TMPRSS11F: variants seen among roughly 807,000 people sequenced by gnomAD.
The protein encoded by TMPRSS11F is transmembrane serine protease 11F, also known as transmembrane protease serine 11F.
Under a neutral mutation model 60.2 loss-of-function variants are expected in TMPRSS11F, and 47 were observed. The observed-to-expected ratio is 0.78, with a 90% CI of 0.62 to 1.00. TMPRSS11F has a LOEUF of 1.00. Ranked by LOEUF, TMPRSS11F falls within the 50% of genes least tolerant of loss-of-function variation. TMPRSS11F has a pLI of 0.00. For missense variants in TMPRSS11F, 519 were observed against 522.9 expected (o/e 0.99, Z 0.07); for synonymous variants, 166 against 167.3 (o/e 0.99, Z 0.06).
intron 1 of TMPRSS11F, among the ~76,000 whole-genome samples, chr4:68,126,542 T>A (rs956529744): frequency 3.3e-5 from 5 of 152,232 alleles, no homozygotes; most frequent in Non-Finnish European, 7.3e-5. Context: ...CATAGATACA[T>A]AATAAACGGT....
At chr4:68,119,665 G>A (rs1279498482) in intron 1 of TMPRSS11F, among the ~76,000 whole-genome samples, 1 of 152,154 alleles carries the variant, frequency 6.6e-6, no homozygotes, top group African/African-American at 2.4e-5. Flanking sequence ...GTCCACCGTT[G>A]AGACTTATTG....
intron 2 of TMPRSS11F, among the ~76,000 whole-genome samples, chr4:68,093,387 A>C (rs1313936583): frequency 1.3e-5 from 2 of 152,214 alleles, no homozygotes; most frequent in Non-Finnish European, 2.9e-5. Context: ...CACCTTATAC[A>C]AAAATCAATT....
chr4:68,065,057 T>G, intron 7 of TMPRSS11F, 113 bp from the exon 8 acceptor site: 1 of 1,105,456 alleles, frequency 9.0e-7, no homozygotes, highest in Non-Finnish European at 1.3e-6. Flanking sequence ...ATTCTTTTGG[T>G]GAGAAAGTTT....
In TMPRSS11F at chr4:68,072,079, T is replaced by A. The variant is rs539423119; in HGVS notation, c.514+244A>T. 1.6e-4 allele frequency among the ~76,000 whole-genome samples: 24 copies of A among 150,910 alleles called. 1 individual carries two copies. The South Asian group carries it at 4.8e-3, about 30-fold the overall frequency. ...TGTAAGGACCCAATAACATATGATA[T>A]GGAAAAAAGTTTAGAAAGCTTATTA... On this transcript the variant is annotated intron_variant, in intron 5 of 9. Coordinates refer to ENST00000356291, the MANE Select transcript of TMPRSS11F (RefSeq NM_207407.2).
chr4:68,100,120 C>G (rs1017617877), intron 1 of TMPRSS11F, among the ~76,000 whole-genome samples: 1 of 150,560 alleles, frequency 6.6e-6, no homozygotes, highest in South Asian at 2.1e-4. Context: ...GGATTCATTA[C>G]TAATAGGGGG....
chr4:68,071,712 T>C (rs1421339991), intron 5 of TMPRSS11F, among the ~76,000 whole-genome samples: 1 of 152,188 alleles, frequency 6.6e-6, no homozygotes, highest in East Asian at 1.9e-4. Flanking sequence ...TTCCTTTTCT[T>C]CCGCTTTGGA....
chr4:68,089,607 C>T (rs911403233), intron 3 of TMPRSS11F, among the ~76,000 whole-genome samples: 1 of 151,976 alleles, frequency 6.6e-6, no homozygotes, highest in Non-Finnish European at 1.5e-5. Context: ...AACAAAAACG[C>T]TATTTGAATA....
intron 1 of TMPRSS11F, among the ~76,000 whole-genome samples, chr4:68,106,608 G>C (rs1724306251): frequency 1.3e-5 from 2 of 151,916 alleles, no homozygotes; most frequent in African/African-American, 4.8e-5. Context: ...CGGGGGGAGG[G>C]GTTACAACTA....
intron 9 of TMPRSS11F, among the ~76,000 whole-genome samples, chr4:68,057,724 A>C (rs1305451678): frequency 6.6e-6 from 1 of 152,230 alleles, no homozygotes; most frequent in East Asian, 1.9e-4. Context: ...TCTCAAAAGA[A>C]GACATACAAA....
At chr4:68,069,065 A>G (rs1560395359) in intron 6 of TMPRSS11F, among the ~76,000 whole-genome samples, 3 of 152,166 alleles carry the variant, frequency 2.0e-5, no homozygotes, top group South Asian at 2.1e-4. Context: ...GCATATATAG[A>G]TAATTCATTG....
At chr4:68,093,416 T>TA (rs1261086347) in intron 2 of TMPRSS11F, among the ~76,000 whole-genome samples, 2 of 152,132 alleles carry the variant, frequency 1.3e-5, no homozygotes, top group East Asian at 3.8e-4. Flanking sequence ...ATTAAAGACT[T>TA]AAACATTAGA....
intron 1 of TMPRSS11F, among the ~76,000 whole-genome samples, chr4:68,111,967 T>C (rs1384770458): frequency 6.6e-6 from 1 of 152,198 alleles, no homozygotes; most frequent in Non-Finnish European, 1.5e-5. Context: ...CATTATGTAC[T>C]TACTTAATTA....
In TMPRSS11F at chr4:68,098,985, T is replaced by C; in HGVS notation, c.65A>G (p.Gln22Arg). The C allele has an allele frequency of 6.2e-7, 1 of 1,613,416 alleles. No individual in the cohort carries two copies. The highest frequency in any genetic ancestry group is 8.5e-7 in the Non-Finnish European group (1 of 1,179,626). ...TAGCCGTACTGAGTCCCAAAATTGCTGCTTTCTTTGATATTCAGCTCGTGA... is the reference window on the plus strand; with the variant it reads ...TAGCCGTACTGAGTCCCAAAATTGCCGCTTTCTTTGATATTCAGCTCGTGA... Reference protein sequence around the residue: ...EFSRAEYQRKQQFWDSVRLAL... With the variant: ...EFSRAEYQRKRQFWDSVRLAL... The change falls in exon 2 of 10, where the codon CAG becomes CGG. Residue 22 changes from glutamine (Q) to arginine (R), a missense_variant. Physicochemically the swap from Gln to Arg is conservative, Grantham distance 43. Transcript: ENST00000356291.
chr4:68,089,463 A>G (rs926927914), intron 3 of TMPRSS11F, among the ~76,000 whole-genome samples: 2 of 152,158 alleles, frequency 1.3e-5, no homozygotes, highest in African/African-American at 4.8e-5. Context: ...AAATATCAAG[A>G]CCTTGGAAAT....
In TMPRSS11F at chr4:68,053,971, G is replaced by C; in HGVS notation, c.1255C>G (p.Pro419Ala). 1 of 1,612,730 alleles carries C rather than the reference G, an allele frequency of 6.2e-7. No homozygotes were observed. Among genetic ancestry groups the C allele is most frequent in the Non-Finnish European group, 8.5e-7 (1 of 1,179,330 alleles). ...WGQSCALPKKPGVYTRVTKYR... is the reference protein window; with the variant it reads ...WGQSCALPKKAGVYTRVTKYR... ...TTAGTTACTCTGGTGTAGACTCCAG[G>C]TTTTTTGGGAAGTGCACATGATTGT... Residue 419 changes from proline (P) to alanine (A), a missense_variant, in exon 10 of 10, where the codon CCT becomes GCT. Physicochemically the swap from Pro to Ala is conservative, Grantham distance 27 (BLOSUM62 -1). Transcript: ENST00000356291.
chr4:68,112,168 A>G (rs1184618783), intron 1 of TMPRSS11F, among the ~76,000 whole-genome samples: 2 of 152,150 alleles, frequency 1.3e-5, no homozygotes, highest in South Asian at 2.1e-4. Flanking sequence ...TCAGTCAAGC[A>G]TTTATTATTT....
At chr4:68,118,547 G>A (rs1214032727) in intron 1 of TMPRSS11F, among the ~76,000 whole-genome samples, 1 of 152,062 alleles carries the variant, frequency 6.6e-6, no homozygotes, top group Non-Finnish European at 1.5e-5. Flanking sequence ...TATATTTCTA[G>A]CAATTCTTTG....
intron 7 of TMPRSS11F, among the ~76,000 whole-genome samples, chr4:68,066,227 C>T (rs1258389184): frequency 2.0e-5 from 3 of 151,582 alleles, no homozygotes; most frequent in African/African-American, 7.3e-5. Flanking sequence ...TTAGGACTAA[C>T]TGAAGCATCC....
Position 68,064,761 on chromosome 4 carries a change from G to GA in TMPRSS11F, c.938_939insT (p.Leu314ProfsTer11). On this transcript the variant is annotated frameshift_variant, in exon 8 of 10. Transcript: ENST00000356291. LOFTEE classifies it high-confidence loss of function. ...GCAACTTTATAGATGAGTCTGGGAG[G>GA]CAAACTCTCTGGACTATATTTGAAA... The GA allele has an allele frequency of 1.5e-5, 25 of 1,614,074 alleles. No homozygotes were observed. The highest frequency in any genetic ancestry group is 2.1e-5 in the Non-Finnish European group (25 of 1,179,990).
Sources: allele counts gnomAD v4.1 joint callset (sites outside exome capture counted in the v4.1 genomes callset), GRCh38; gene constraint gnomAD v4.1.1; transcripts MANE v1.5; gene names NCBI Gene and HGNC (gene_info 2026-07-23, HGNC 2026-07-21).